AGAP1: variants seen among roughly 807,000 people sequenced by gnomAD.
AGAP1 encodes arf-GAP with GTPase, ANK repeat and PH domain-containing protein 1.
In AGAP1, 29 loss-of-function variants were observed where a neutral mutation model predicts 105.3. The observed-to-expected ratio is 0.28, with a 90% confidence interval of 0.21 to 0.38. AGAP1 has a LOEUF of 0.38. AGAP1 is among the 10% of genes least tolerant of loss of function. AGAP1 has a pLI of 1.00. For synonymous variants in AGAP1, 509 were observed against 485.9 expected, an observed-to-expected ratio of 1.05 and a Z score of -0.63; for missense variants, 998 against 1,165.1, an observed-to-expected ratio of 0.86 and a Z score of 2.09.
rs568535729 is a variant in AGAP1, at chr2:235,553,991, T to C, written c.163+59142T>C. ...CCCCTTACTGGGTGGACAAAGGTTTTCTGTGTGACTCACCTCTGGCCAGAA... is the reference window on the plus strand; with the variant it reads ...CCCCTTACTGGGTGGACAAAGGTTTCCTGTGTGACTCACCTCTGGCCAGAA... On this transcript the variant is annotated intron_variant, in intron 1 of 17. Transcript: ENST00000304032. The surrounding 1 kb of genome is among the most constrained non-coding windows in gnomAD (Gnocchi z 4.5). 5.9e-5 allele frequency among the ~76,000 whole-genome samples: 9 copies of C among 152,306 alleles called. No individual in the cohort carries two copies. In the South Asian group the frequency reaches 1.9e-3, roughly 32 times the overall value.
rs374249316 is a variant in AGAP1, at chr2:236,035,783, G to A, written c.1646-778G>A. The stretch of plus-strand genomic sequence containing the variant: ...CTCCTATGGACCAGGTCCCAAGTCC[G>A]CATGGGTCTGTACACTTCATGGAAC... On this transcript the variant is annotated intron_variant, in intron 13 of 17. Transcript: ENST00000304032. This position sits in a 1 kb window ranked among gnomAD's most constrained non-coding sequence, Gnocchi z 4.2. Among the ~76,000 whole-genome samples the A allele has an allele frequency of 6.6e-6, 1 of 152,162 alleles. No homozygotes were observed. The highest frequency in any genetic ancestry group is 1.5e-5 in the Non-Finnish European group (1 of 68,030).
At position 235,769,925 on chromosome 2, in the gene AGAP1, A is replaced by T. The variant is rs931632186; in HGVS notation, c.673+19437A>T. Among the ~76,000 whole-genome samples, 4 of 152,234 alleles carry T rather than the reference A, an allele frequency of 2.6e-5. No individual in the cohort carries two copies. Among genetic ancestry groups the T allele is most frequent in the Admixed American group, 1.3e-4 (2 of 15,282 alleles). On this transcript the variant is annotated intron_variant, in intron 6 of 17. Transcript: ENST00000304032. The surrounding 1 kb of genome is among the most constrained non-coding windows in gnomAD (Gnocchi z 4.4). ...AGAGTTACACTTCACATGTATTTCT[A>T]TTAAGATACACACTTATGTATGTTT...
chr2:235,942,823 T>C (rs1042181062), intron 12 of AGAP1, among the ~76,000 whole-genome samples: 1 of 152,154 alleles, frequency 6.6e-6, no homozygotes, highest in African/African-American at 2.4e-5. Flanking sequence ...ATAGAAAGCA[T>C]CTTGACTATC....
intron 12 of AGAP1, among the ~76,000 whole-genome samples, chr2:235,943,998 A>G (rs2053381679): frequency 6.6e-6 from 1 of 152,238 alleles, no homozygotes; most frequent in East Asian, 1.9e-4. Context: ...ACACAGAAGC[A>G]GATGGTTATT....
rs907370560 is a variant in AGAP1, at chr2:236,055,593, C to A, written c.2114+6312C>A. On this transcript the variant is annotated intron_variant, in intron 16 of 17. Coordinates refer to ENST00000304032, the MANE Select transcript of AGAP1 (RefSeq NM_001037131.3). This position sits in a 1 kb window ranked among gnomAD's most constrained non-coding sequence, Gnocchi z 6.2. ...CCCTGGCCCCAGCCGCAGAGCGGGT[C>A]CACCCTCCCAGTTTCCCCGTCCAGG... 6.6e-6 allele frequency among the ~76,000 whole-genome samples: 1 copy of A among 152,260 alleles called. No homozygotes were observed. Among genetic ancestry groups the A allele is most frequent in the Non-Finnish European group, 1.5e-5 (1 of 68,050 alleles).
At chr2:235,910,996 T>G (rs185807690) in intron 11 of AGAP1, among the ~76,000 whole-genome samples, 4 of 152,340 alleles carry the variant, frequency 2.6e-5, no homozygotes, top group African/African-American at 4.8e-5. Flanking sequence ...ACCTCTAGAA[T>G]TCTTCCATTT....
At chr2:235,497,665 C>T (rs1409743272) in intron 1 of AGAP1, among the ~76,000 whole-genome samples, 3 of 152,214 alleles carry the variant, frequency 2.0e-5, no homozygotes, top group South Asian at 2.1e-4. Flanking sequence ...GGCGCAATCT[C>T]GGCTCACTGC....
rs562061972 is a variant in AGAP1, at chr2:235,919,532, C to T, written c.1324+10626C>T. Among the ~76,000 whole-genome samples the T allele has an allele frequency of 7.0e-4, 107 of 152,186 alleles. No individual in the cohort carries two copies. The highest frequency in any genetic ancestry group is 2.5e-3 in the African/African-American group (102 of 41,518). On this transcript the variant is annotated intron_variant, in intron 11 of 17. Transcript: ENST00000304032. The surrounding 1 kb of genome is among the most constrained non-coding windows in gnomAD (Gnocchi z 4.1). Reference sequence around the variant, plus strand: ...GTCTTCCCTGTGTCATTGCTGGATTCAGTTGTGAGATCATTTTGTAAGAAC... The same window carrying T: ...GTCTTCCCTGTGTCATTGCTGGATTTAGTTGTGAGATCATTTTGTAAGAAC...
chr2:235,685,384 C>T lies in AGAP1; in HGVS notation c.164-23795C>T, dbSNP rs144703761. On this transcript the variant is annotated intron_variant, in intron 1 of 17. Transcript: ENST00000304032. ...ACACTGAGCCCTGCTGATCCCCCTC[C>T]TGTGTGGCTGCCTCTCTGATGCCTG... 5.3e-5 allele frequency among the ~76,000 whole-genome samples: 8 copies of T among 151,892 alleles called. No individual in the cohort carries two copies. In the East Asian group the frequency reaches 1.4e-3, roughly 26 times the overall value.
At chr2:235,884,893 G>T (rs1277428423) in intron 10 of AGAP1, among the ~76,000 whole-genome samples, 1 of 146,050 alleles carries the variant, frequency 6.8e-6, no homozygotes, top group Non-Finnish European at 1.5e-5. Flanking sequence ...AGTATTTTTT[G>T]GTAGAGACTG....
intron 1 of AGAP1, among the ~76,000 whole-genome samples, chr2:235,676,953 T>C (rs918910755): frequency 2.0e-5 from 3 of 152,192 alleles, no homozygotes; most frequent in African/African-American, 7.2e-5. Flanking sequence ...GATTATTGTC[T>C]TTTCATTATT....
chr2:236,061,063 AAAAAT>A lies in AGAP1; in HGVS notation c.2114+11790_2114+11794del, dbSNP rs1385172349. 1.3e-5 allele frequency among the ~76,000 whole-genome samples: 2 copies of A among 152,210 alleles called. No individual in the cohort carries two copies. The highest frequency in any genetic ancestry group is 4.1e-4 in the South Asian group (2 of 4,834). Reference sequence around the variant, plus strand: ...GGATAACAGAACAAGACCTCGTCTGAAAAATAAAATAAGTAAAAAATAAAAATGGG... The same window carrying A: ...GGATAACAGAACAAGACCTCGTCTGAAAAATAAGTAAAAAATAAAAATGGG... On this transcript the variant is annotated intron_variant, in intron 16 of 17. Transcript: ENST00000304032. The surrounding 1 kb of genome is among the most constrained non-coding windows in gnomAD (Gnocchi z 4.1).
At chr2:235,838,093 A>G (rs1369287767) in intron 9 of AGAP1, among the ~76,000 whole-genome samples, 1 of 152,144 alleles carries the variant, frequency 6.6e-6, no homozygotes, top group Non-Finnish European at 1.5e-5. Flanking sequence ...CACTGAAGCA[A>G]GAGAATCACG....
chr2:236,090,740 T>C lies in AGAP1; in HGVS notation c.2115-29452T>C, dbSNP rs954389185. Among the ~76,000 whole-genome samples, 2 of 152,130 alleles carry C rather than the reference T, an allele frequency of 1.3e-5. No individual in the cohort carries two copies. The highest frequency in any genetic ancestry group is 4.8e-5 in the African/African-American group (2 of 41,408). ...GTGGTTGTGTTTGTTTTGTTTTTTG[T>C]TTTGTTTTGTTTTTTTGAGACAGAG... On this transcript the variant is annotated intron_variant, in intron 16 of 17. Transcript: ENST00000304032. The surrounding 1 kb of genome is among the most constrained non-coding windows in gnomAD (Gnocchi z 4.3).
At chr2:235,502,700 CT>C (rs5839594) in intron 1 of AGAP1, among the ~76,000 whole-genome samples, 3,326 of 110,944 alleles carry the variant, frequency 0.03, 98 homozygotes, top group African/African-American at 0.088. Context: ...TTTTATTTGC[CT>C]TTTTTTTTTT....
Position 235,728,771 on chromosome 2 carries a change from G to A in AGAP1, c.310+11127G>A, listed in dbSNP as rs543045575. 7.4e-4 allele frequency among the ~76,000 whole-genome samples: 112 copies of A among 152,308 alleles called. No individual in the cohort carries two copies. Among genetic ancestry groups the A allele is most frequent in the African/African-American group, 1.9e-3 (81 of 41,562 alleles). ...AGGCCAAATACATTGAAATGAAAGC[G>A]TGCCTAGTGGAGCAAGAGCGGGGCG... On this transcript the variant is annotated intron_variant, in intron 3 of 17. Coordinates refer to ENST00000304032, the MANE Select transcript of AGAP1 (RefSeq NM_001037131.3). This position sits in a 1 kb window ranked among gnomAD's most constrained non-coding sequence, Gnocchi z 4.3.
At chr2:235,885,645 T>C (rs2050240052) in intron 10 of AGAP1, among the ~76,000 whole-genome samples, 1 of 152,224 alleles carries the variant, frequency 6.6e-6, no homozygotes, top group Admixed American at 6.5e-5. Flanking sequence ...TTTCCTAATA[T>C]GATAGGTAGC....
rs572635638 is a variant in AGAP1, at chr2:235,936,235, G to T, written c.1483+5312G>T. ...CCCTCGGCCTCCCCCAGGCCACCAC[G>T]CAGCCTCGTCACCATCGAGCACAAA... On this transcript the variant is annotated intron_variant, in intron 12 of 17. Transcript: ENST00000304032. The surrounding 1 kb of genome is among the most constrained non-coding windows in gnomAD (Gnocchi z 4.7). Among the ~76,000 whole-genome samples the T allele has an allele frequency of 1.3e-5, 2 of 152,130 alleles. No homozygotes were observed. Among genetic ancestry groups the T allele is most frequent in the African/African-American group, 4.8e-5 (2 of 41,420 alleles).
At position 235,600,186 on chromosome 2, in the gene AGAP1, T is replaced by C. The variant is rs1016333634; in HGVS notation, c.163+105337T>C. Among the ~76,000 whole-genome samples, 66 of 152,216 alleles carry C rather than the reference T, an allele frequency of 4.3e-4. No homozygotes were observed. The highest frequency in any genetic ancestry group is 4.1e-3 in the Admixed American group (63 of 15,284). On this transcript the variant is annotated intron_variant, in intron 1 of 17. Transcript: ENST00000304032. This position sits in a 1 kb window ranked among gnomAD's most constrained non-coding sequence, Gnocchi z 4.8. The stretch of plus-strand genomic sequence containing the variant: ...AAAAGCCGACACTGGAAATATTCTG[T>C]AGCTCATCTGGCAGCAGGGCCAGAG...
Sources: allele counts gnomAD v4.1 joint callset (sites outside exome capture counted in the v4.1 genomes callset), GRCh38; gene constraint gnomAD v4.1.1; non-coding constraint Gnocchi (gnomAD v3.1); transcripts MANE v1.5; gene names NCBI Gene and HGNC (gene_info 2026-07-23, HGNC 2026-07-21).